Variants in PALLD observed in about 807,000 individuals in gnomAD.
PALLD encodes palladin.
A neutral mutation model predicts 123.5 loss-of-function variants in PALLD; 61 were observed. The ratio of observed to expected loss-of-function variants is 0.49; its 90% confidence interval spans 0.40 to 0.61. PALLD has a LOEUF of 0.61. Among genes scored for constraint, PALLD ranks in the 20% least tolerant of loss-of-function variants. The pLI is 0.00. For missense variants in PALLD, 1,273 were observed against 1,377.0 expected (o/e 0.92, Z 1.20); for synonymous variants, 465 against 496.4 (o/e 0.94, Z 0.84).
chr4:168,785,057 G>GTTTT (rs1736493817), intron 10 of PALLD, among the ~76,000 whole-genome samples: 2 of 53,634 alleles, frequency 3.7e-5, no homozygotes, highest in East Asian at 9.5e-4. Flanking sequence ...TCTCCCTTTT[G>GTTTT]CTTTTTTTTT....
chr4:168,712,219 G>C (rs1403736507), intron 10 of PALLD: 17 of 493,432 alleles, frequency 3.4e-5, no homozygotes, highest in Non-Finnish European at 7.3e-6. Flanking sequence ...CCACTCCCTG[G>C]AGGCCATGGA....
At chr4:168,925,441 G>A (rs1013483744) in intron 21 of PALLD, 163 bp downstream of exon 21, 1 of 668,490 alleles carries the variant, frequency 1.5e-6, no homozygotes, top group Non-Finnish European at 2.7e-6. Context: ...TTCTGCAAAT[G>A]ACTGCCTTTT....
intron 17 of PALLD, among the ~76,000 whole-genome samples, chr4:168,920,182 A>C (rs557143384): frequency 1.3e-5 from 2 of 152,324 alleles, no homozygotes; most frequent in African/African-American, 4.8e-5. Context: ...GGCAGTGTAC[A>C]TGGAGAGCTG....
At chr4:168,576,513 T>G (rs1471612384) in intron 2 of PALLD, among the ~76,000 whole-genome samples, 1 of 152,186 alleles carries the variant, frequency 6.6e-6, no homozygotes, top group Admixed American at 6.5e-5. Flanking sequence ...TGCGATAGTT[T>G]GCTGAGAATG....
intron 10 of PALLD, among the ~76,000 whole-genome samples, chr4:168,752,093 T>C (rs2150389569): frequency 6.6e-6 from 1 of 152,304 alleles, no homozygotes; most frequent in East Asian, 1.9e-4. Context: ...GTCAATTTCT[T>C]GTAGGCTGGG....
chr4:168,648,605 G>T (rs938056767), intron 2 of PALLD: 1 of 152,182 alleles, frequency 6.6e-6, no homozygotes, highest in Non-Finnish European at 1.5e-5. Flanking sequence ...CTTGGCATGA[G>T]TACTTTTGCA....
rs141713078 is a variant in PALLD at position 168,762,660 on chromosome 4, C to T, written c.1964+50737C>T. On this transcript the variant is annotated intron_variant, in intron 10 of 21. Transcript: ENST00000505667. The stretch of plus-strand genomic sequence containing the variant: ...GAACCAGAAATACCATTTGACCCAG[C>T]GATCCCATTACTGGGTATATGCTCA... Among the ~76,000 whole-genome samples, 468 of 152,232 alleles carry T rather than the reference C, an allele frequency of 3.1e-3. 5 individuals carry two copies. The highest frequency in any genetic ancestry group is 0.01 in the African/African-American group (427 of 41,534).
At chr4:168,907,587 C>G (rs1478267531) in intron 15 of PALLD, among the ~76,000 whole-genome samples, 1 of 152,190 alleles carries the variant, frequency 6.6e-6, no homozygotes, top group Non-Finnish European at 1.5e-5. Flanking sequence ...GCTCTCTACT[C>G]TCAGCACCCT....
chr4:168,903,470 A>G (rs963810480), intron 14 of PALLD, among the ~76,000 whole-genome samples: 2 of 152,238 alleles, frequency 1.3e-5, no homozygotes, highest in African/African-American at 4.8e-5. Context: ...CATAGAAATA[A>G]TCATTGCCAA....
At chr4:168,728,844 TCCCTCG>T (rs1786858497) in intron 10 of PALLD, among the ~76,000 whole-genome samples, 1 of 152,186 alleles carries the variant, frequency 6.6e-6, no homozygotes, top group Non-Finnish European at 1.5e-5. Flanking sequence ...TAGTATTTTA[TCCCTCG>T]CCCTCCTCCC....
chr4:168,845,766 C>T (rs1224137381), intron 10 of PALLD, among the ~76,000 whole-genome samples: 1 of 152,190 alleles, frequency 6.6e-6, no homozygotes, highest in Non-Finnish European at 1.5e-5. Context: ...ATACAAAGAA[C>T]TCAGCTAGTC....
rs1416747976 is a variant in PALLD at position 168,558,425 on chromosome 4, A to C, written c.908+46013A>C. Among the ~76,000 whole-genome samples the C allele has an allele frequency of 3.3e-5, 5 of 152,192 alleles. No homozygotes were observed. The East Asian group carries it at 9.6e-4, about 29-fold the overall frequency. Reference sequence around the variant, plus strand: ...TGCAAGGAAGGCATTTCAAAGCGGTAGAGGTGGCCCTTCCTCCATCACCAG... The same window carrying C: ...TGCAAGGAAGGCATTTCAAAGCGGTCGAGGTGGCCCTTCCTCCATCACCAG... On this transcript the variant is annotated intron_variant, in intron 2 of 21. Transcript: ENST00000505667.
chr4:168,745,278 T>C (rs1730108435), intron 10 of PALLD, among the ~76,000 whole-genome samples: 1 of 152,174 alleles, frequency 6.6e-6, no homozygotes, highest in Non-Finnish European at 1.5e-5. Flanking sequence ...AGCTGGAGCC[T>C]AGGACCCAAG....
chr4:168,615,192 A>G (rs1251497654), intron 2 of PALLD, among the ~76,000 whole-genome samples: 2 of 152,204 alleles, frequency 1.3e-5, no homozygotes, highest in South Asian at 4.2e-4. Flanking sequence ...AAAGCATTAC[A>G]TTAAAAAATT....
At chr4:168,651,772 G>C (rs754915465) in intron 2 of PALLD, among the ~76,000 whole-genome samples, 1 of 152,126 alleles carries the variant, frequency 6.6e-6, no homozygotes, top group Non-Finnish European at 1.5e-5. Flanking sequence ...TGACATGAGA[G>C]TAAAGAAGAA....
At chr4:168,683,505 A>T (rs953701665) in intron 5 of PALLD, among the ~76,000 whole-genome samples, 1 of 152,224 alleles carries the variant, frequency 6.6e-6, no homozygotes, top group African/African-American at 2.4e-5. Flanking sequence ...CACTCCTAAA[A>T]GCTAAACAAA....
rs1762292418 is a variant in PALLD, at chr4:168,924,970, A to C, written c.3250A>C (p.Ile1084Leu). 1.2e-6 allele frequency: 2 copies of C among 1,614,166 alleles called. No individual in the cohort carries two copies. Among genetic ancestry groups the C allele is most frequent in the Non-Finnish European group, 1.7e-6 (2 of 1,180,002 alleles). ...CATGCACCAGGACAACCACGGCTAC[A>C]TCTGCCTGCTCATTCAGGGAGCCAC... is the stretch of plus-strand genomic sequence containing the variant. ...VSMHQDNHGY[I>L]CLLIQGATKE... The change falls in exon 20 of 22, where the codon ATC (isoleucine) becomes CTC (leucine). Residue 1084 changes from isoleucine to leucine, a missense_variant. Ile to Leu is a conservative substitution (Grantham distance 5, BLOSUM62 2). Coordinates refer to ENST00000505667, the MANE Select transcript of PALLD (RefSeq NM_001166108.2).
At chr4:168,593,462 G>A (rs568747247) in intron 2 of PALLD, among the ~76,000 whole-genome samples, 7 of 114,338 alleles carry the variant, frequency 6.1e-5, no homozygotes, top group South Asian at 3.0e-4. Flanking sequence ...AAAGGAAGAC[G>A]AGTCCAATCA....
chr4:168,895,700 G>A (rs954737310), intron 12 of PALLD, among the ~76,000 whole-genome samples: 1 of 152,144 alleles, frequency 6.6e-6, no homozygotes, highest in African/African-American at 2.4e-5. Flanking sequence ...TTATCTCAGG[G>A]GTTGCAGAAG....
Sources: allele counts gnomAD v4.1 joint callset (sites outside exome capture counted in the v4.1 genomes callset), GRCh38; gene constraint gnomAD v4.1.1; transcripts MANE v1.5; gene names NCBI Gene and HGNC (gene_info 2026-07-23, HGNC 2026-07-21).